The following MROH2A variants were observed in gnomAD, a reference collection of about 807,000 sequenced individuals.
The protein encoded by MROH2A is maestro heat like repeat family member 2A.
Under a neutral mutation model 200.4 loss-of-function variants are expected in MROH2A, and 174 were observed. The observed-to-expected ratio is 0.87, with a 90% CI of 0.77 to 0.98. MROH2A has a LOEUF of 0.98. Among genes scored for constraint, MROH2A ranks in the 50% least tolerant of loss-of-function variants. The probability of loss-of-function intolerance (pLI) is 0.00; values close to 1 mark genes in which losing one functional copy is unlikely to be tolerated. For synonymous variants in MROH2A, 829 were observed against 840.4 expected, an observed-to-expected ratio of 0.99 and a Z score of 0.23; for missense variants, 2,045 against 2,139.6, an observed-to-expected ratio of 0.96 and a Z score of 0.87.
intron 3 of MROH2A, among the ~76,000 whole-genome samples, chr2:233,781,850 T>A (rs1479642896): frequency 1.3e-5 from 2 of 152,236 alleles, no homozygotes; most frequent in African/African-American, 2.4e-5. Context: ...AGTTTCATAG[T>A]TTCAGGTCTT....
intron 3 of MROH2A, among the ~76,000 whole-genome samples, chr2:233,789,292 G>A (rs1036175125): frequency 1.3e-5 from 2 of 152,154 alleles, no homozygotes; most frequent in African/African-American, 2.4e-5. Context: ...ATACAGATAC[G>A]CAAGTCATAT....
rs1704536107 is a variant in MROH2A at position 233,829,091 on chromosome 2, T to G, written c.4446+19T>G. On this transcript the variant is annotated intron_variant, in intron 37 of 41. Coordinates refer to ENST00000389758, the MANE Select transcript of MROH2A (RefSeq NM_001394639.1). ...CGACAACGTGAGTCCGATGAGAGCC[T>G]CCCTGAGCTTGCTCAGTGAAGGAGG... 1 of 1,486,984 alleles carries G rather than the reference T, an allele frequency of 6.7e-7. No homozygotes were observed. The highest frequency in any genetic ancestry group is 9.0e-7 in the Non-Finnish European group (1 of 1,113,800). 92.1% of individuals were successfully genotyped at this position (1,486,984 alleles called of 1,614,324 possible).
rs1227014828 is a variant in MROH2A, at chr2:233,804,125, G to A, written c.1824G>A (p.Gln608=). The change falls in exon 17 of 42, where the codon CAG becomes CAA. Residue 608 remains glutamine (Q), a synonymous_variant. Transcript: ENST00000389758. ...TCAACCTCTTGAGGACCCTGAGCCAGAGCATCGCACCCTCCATGGCCGACA... is the reference window on the plus strand; with the variant it reads ...TCAACCTCTTGAGGACCCTGAGCCAAAGCATCGCACCCTCCATGGCCGACA... The part of the protein sequence containing the change: ...AMLNLLRTLS[Q]SIAPSMADMW... 1 of 1,550,578 alleles carries A rather than the reference G, an allele frequency of 6.4e-7. No individual in the cohort carries two copies. Among genetic ancestry groups the A allele is most frequent in the African/African-American group, 1.4e-5 (1 of 73,150 alleles).
intron 11 of MROH2A, among the ~76,000 whole-genome samples, chr2:233,797,434 A>T (rs527365070): frequency 6.6e-6 from 1 of 152,202 alleles, no homozygotes; most frequent in African/African-American, 2.4e-5. Context: ...GGAATAAACA[A>T]TATATCTGCA....
chr2:233,819,921 C>G lies in MROH2A; in HGVS notation c.3377C>G (p.Ala1126Gly). 1 of 1,524,484 alleles carries G rather than the reference C, an allele frequency of 6.6e-7. No individual in the cohort carries two copies. The highest frequency in any genetic ancestry group is 8.9e-7 in the Non-Finnish European group (1 of 1,129,626). The allele number at this position is 1,524,484 out of a possible 1,614,324, so 94.4% of individuals were successfully genotyped here. A position where few individuals can be genotyped will look rare whatever the true frequency, so the allele number is the denominator to read the frequency against. Residue 1126 changes from alanine (A) to glycine (G), a missense_variant, in exon 31 of 42, where the codon GCC becomes GGC. By Grantham distance (60) the Ala-to-Gly change is moderately conservative. Coordinates refer to ENST00000389758, the MANE Select transcript of MROH2A (RefSeq NM_001394639.1). The stretch of plus-strand genomic sequence containing the variant: ...ACCTAGGTGGCCGAGATCCTGAGTG[C>G]CATCCTGGTGCACCTGCCGGTGGTG... ...LEDKVAEILSAILVHLPVVDH... is the reference protein window; with the variant it reads ...LEDKVAEILSGILVHLPVVDH...
chr2:233,833,087 T>A, intron 41 of MROH2A, 51 bp from the exon 42 acceptor site: 1 of 1,483,934 alleles, frequency 6.7e-7, no homozygotes, highest in Non-Finnish European at 8.9e-7. Context: ...ATGCAGCATG[T>A]GGTCCTGACT....
intron 5 of MROH2A, among the ~76,000 whole-genome samples, chr2:233,791,832 A>G (rs1701782106): frequency 6.6e-6 from 1 of 151,924 alleles, no homozygotes; most frequent in Admixed American, 6.6e-5. Context: ...GCTGGGGATA[A>G]AGGCCTGGAT....
chr2:233,779,557 A>C lies in MROH2A; in HGVS notation c.94+105A>C, dbSNP rs1700832766. ...CCCTTTCTCCATCTGCACAGTGGAC[A>C]TCATACCACACATGAAGCTGGAGCT... On this transcript the variant is annotated intron_variant, in intron 2 of 41. Transcript: ENST00000389758. 4.3e-6 allele frequency: 6 copies of C among 1,393,162 alleles called. No individual in the cohort carries two copies. The Admixed American group carries it at 1.2e-4, about 28-fold the overall frequency. The allele number at this position is 1,393,162 out of a possible 1,614,324, so 86.3% of individuals were successfully genotyped here. A position where few individuals can be genotyped will look rare whatever the true frequency, so the allele number is the denominator to read the frequency against.
chr2:233,787,016 G>T (rs992061857), intron 3 of MROH2A, among the ~76,000 whole-genome samples: 1 of 152,128 alleles, frequency 6.6e-6, no homozygotes, highest in Non-Finnish European at 1.5e-5. Context: ...CTACAGAGAT[G>T]TAAAGTAGCC....
At chr2:233,805,819 AG>A in intron 19 of MROH2A, among the ~76,000 whole-genome samples, 1 of 152,372 alleles carries the variant, frequency 6.6e-6, no homozygotes, top group African/African-American at 2.4e-5. Context: ...CAGTGGGGAA[AG>A]AATAGTTTTT....
intron 40 of MROH2A, 147 bp downstream of exon 40, chr2:233,832,426 T>C (rs1704828001): frequency 1.1e-6 from 1 of 947,066 alleles, no homozygotes; most frequent in Admixed American, 2.1e-5. Flanking sequence ...CTGTGCTTTC[T>C]ATCCCGTTTT....
At chr2:233,809,420 T>G in intron 22 of MROH2A, 142 bp downstream of exon 22, 2 of 866,012 alleles carry the variant, frequency 2.3e-6, no homozygotes, top group Non-Finnish European at 1.8e-6. Flanking sequence ...GGAAGCCCAT[T>G]GCCCAAATGT....
intron 6 of MROH2A, 62 bp downstream of exon 6, chr2:233,792,956 G>A (rs1701876603): frequency 6.7e-7 from 1 of 1,484,600 alleles, no homozygotes. Flanking sequence ...GAGACTGCTG[G>A]GTAAGGAGCA....
rs1703986415 is a variant in MROH2A, at chr2:233,822,178, C to T, written c.3567C>T (p.Thr1189=). 4.5e-6 allele frequency: 7 copies of T among 1,549,856 alleles called. No homozygotes were observed. The South Asian group carries it at 4.8e-5, about 11-fold the overall frequency. The change falls in exon 32 of 42, where the codon ACC becomes ACT. Residue 1189 remains threonine (T), a synonymous_variant. Transcript: ENST00000389758. ...AVSENVPFAR[T]MLHSLMGRLQ... ...CGGAGAACGTGCCCTTCGCCCGGAC[C>T]ATGCTCCACAGCCTGATGGGCCGGC...
Position 233,807,382 on chromosome 2 carries a change from G to A in MROH2A, c.2053-41G>A, listed in dbSNP as rs1702868464. The A allele has an allele frequency of 6.6e-7, 1 of 1,525,990 alleles. No homozygotes were observed. Among genetic ancestry groups the A allele is most frequent in the Non-Finnish European group, 8.8e-7 (1 of 1,132,816 alleles). 94.5% of individuals were successfully genotyped at this position (1,525,990 alleles called of 1,614,324 possible). A position where few individuals can be genotyped will look rare whatever the true frequency, so the allele number is the denominator to read the frequency against. On this transcript the variant is annotated intron_variant, in intron 19 of 41. Transcript: ENST00000389758. The surrounding 1 kb of genome is among the most constrained non-coding windows in gnomAD (Gnocchi z 4.3). Reference sequence around the variant, plus strand: ...CAACAGCACCCCCTGAAGGCTGGCTGTAGGGAGGCCTGAGCTCCTTCCTCC... The same window carrying A: ...CAACAGCACCCCCTGAAGGCTGGCTATAGGGAGGCCTGAGCTCCTTCCTCC...
At chr2:233,818,795 G>C (rs1343280948) in intron 29 of MROH2A, 25 bp downstream of exon 29, 1 of 1,446,094 alleles carries the variant, frequency 6.9e-7, no homozygotes, top group African/African-American at 1.4e-5. Context: ...GCCTGCCTGG[G>C]CTGCCAGGCT....
intron 3 of MROH2A, 46 bp from the exon 4 acceptor site, chr2:233,789,451 T>C (rs12468017): frequency 0.16 from 213,337 of 1,340,002 alleles, 17,533 homozygotes; most frequent in East Asian, 0.21. Context: ...GGACTTGTGC[T>C]GGGGGCAGGG....
At chr2:233,830,452 T>C (rs1169958174) in intron 38 of MROH2A, among the ~76,000 whole-genome samples, 3 of 152,112 alleles carry the variant, frequency 2.0e-5, no homozygotes, top group Non-Finnish European at 4.4e-5. Context: ...TAGTAAGCCT[T>C]GGGACGCAGC....
upstream of MROH2A, among the ~76,000 whole-genome samples, chr2:233,776,474 A>G (rs936134980): frequency 3.4e-5 from 5 of 147,734 alleles, no homozygotes; most frequent in African/African-American, 1.0e-4. Context: ...TTCCTACCTC[A>G]CCCTCCTGAG....
Sources: gnomAD v4.1 joint callset for allele counts (sites outside exome capture counted in the v4.1 genomes callset) on GRCh38, gnomAD v4.1.1 for gene constraint, Gnocchi (gnomAD v3.1) non-coding constraint, MANE v1.5 for transcripts, NCBI Gene and HGNC (gene_info 2026-07-23, HGNC 2026-07-21) for gene names.